The following UGT1A10 variants were observed in gnomAD, a reference collection of about 807,000 sequenced individuals.
UGT1A10 encodes UDP glucuronosyltransferase family 1 member A10.
UGT1A10 carries 49 observed loss-of-function variants against 45.8 expected under a neutral mutation model. The observed-to-expected ratio is 1.07, with a 90% CI of 0.85 to 1.36. The LOEUF (loss-of-function observed/expected upper bound fraction) is 1.36. UGT1A10 is among the 40% of genes most tolerant of loss of function. UGT1A10 has a pLI of 0.00. For synonymous variants in UGT1A10, 284 were observed against 249.7 expected, an observed-to-expected ratio of 1.14 and a Z score of -1.29; for missense variants, 745 against 668.6, an observed-to-expected ratio of 1.11 and a Z score of -1.26.
At chr2:233,671,779 C>T in intron 1 of UGT1A10, 3 of 1,399,160 alleles carry the variant, frequency 2.1e-6, no homozygotes, top group Non-Finnish European at 2.8e-6. Context: ...TATTCTTGTT[C>T]TTTTGGGTAA....
intron 1 of UGT1A10, among the ~76,000 whole-genome samples, chr2:233,656,773 C>T (rs1237157003): frequency 6.6e-6 from 1 of 152,104 alleles, no homozygotes; most frequent in African/African-American, 2.4e-5. Flanking sequence ...TCTTTGGGGT[C>T]CCGCTGGCCA....
intron 1 of UGT1A10, among the ~76,000 whole-genome samples, chr2:233,736,157 T>C (rs1193555745): frequency 6.6e-6 from 1 of 152,262 alleles, no homozygotes; most frequent in African/African-American, 2.4e-5. Flanking sequence ...CAGTCAAACG[T>C]AGATTTGGTC....
At chr2:233,669,080 C>G (rs571545981) in intron 1 of UGT1A10, among the ~76,000 whole-genome samples, 1 of 152,268 alleles carries the variant, frequency 6.6e-6, no homozygotes, top group East Asian at 1.9e-4. Context: ...GAATGGATAC[C>G]CAACTGTTGA....
intron 1 of UGT1A10, among the ~76,000 whole-genome samples, chr2:233,641,186 A>G (rs1466040043): frequency 6.6e-6 from 1 of 152,042 alleles, no homozygotes; most frequent in Non-Finnish European, 1.5e-5. Flanking sequence ...ATATTTTCCT[A>G]CTTTCTCTAA....
At chr2:233,653,395 T>A (rs919547920) in intron 1 of UGT1A10, among the ~76,000 whole-genome samples, 24 of 152,192 alleles carry the variant, frequency 1.6e-4, no homozygotes, top group Non-Finnish European at 2.9e-4. Context: ...ATGAATCATA[T>A]TCTTAAAGTA....
chr2:233,700,444 A>C (rs1343757710), intron 1 of UGT1A10, among the ~76,000 whole-genome samples: 1 of 152,214 alleles, frequency 6.6e-6, no homozygotes, highest in Non-Finnish European at 1.5e-5. Flanking sequence ...GAGTAGCTGA[A>C]TGCTAGAATG....
At chr2:233,638,199 G>C (rs1175053491) in intron 1 of UGT1A10, among the ~76,000 whole-genome samples, 1 of 151,964 alleles carries the variant, frequency 6.6e-6, no homozygotes, top group African/African-American at 2.4e-5. Flanking sequence ...TTCAGATCTT[G>C]TTTTATATAC....
At chr2:233,764,281 G>A (rs537961109) in intron 1 of UGT1A10, among the ~76,000 whole-genome samples, 5 of 152,204 alleles carry the variant, frequency 3.3e-5, no homozygotes, top group South Asian at 2.1e-4. Context: ...TGGTCATTCC[G>A]GTAACTGTGA....
chr2:233,728,813 A>G (rs1159466657), intron 1 of UGT1A10, among the ~76,000 whole-genome samples: 11 of 152,216 alleles, frequency 7.2e-5, no homozygotes. Flanking sequence ...AGACAGTGAC[A>G]TGAAATGGGT....
intron 1 of UGT1A10, chr2:233,760,709 C>A (rs774109568): frequency 6.2e-7 from 1 of 1,614,204 alleles, no homozygotes; most frequent in African/African-American, 1.3e-5. Flanking sequence ...GCCTCCCTGG[C>A]AGAAAGCAGC....
chr2:233,749,622 C>A (rs1694233341), intron 1 of UGT1A10, among the ~76,000 whole-genome samples: 1 of 151,854 alleles, frequency 6.6e-6, no homozygotes, highest in Admixed American at 6.5e-5. Context: ...TGATTTGGCT[C>A]TGTATCCCCC....
rs753289474 is a variant in UGT1A10, at chr2:233,769,632, G to A, written c.1295+1193G>A. The A allele has an allele frequency of 1.9e-6, 3 of 1,611,424 alleles. No individual in the cohort carries two copies. The highest frequency in any genetic ancestry group is 2.5e-6 in the Non-Finnish European group (3 of 1,179,338). On this transcript the variant is annotated intron_variant, in intron 4 of 4. Coordinates refer to ENST00000344644, the MANE Select transcript of UGT1A10 (RefSeq NM_019075.4). The surrounding 1 kb of genome is among the most constrained non-coding windows in gnomAD (Gnocchi z 4.4). ...CACCAGCTTGAGCAAGGGACAACAGGGGAGGACTGATGACTGACTTCCCAC... is the reference window on the plus strand; with the variant it reads ...CACCAGCTTGAGCAAGGGACAACAGAGGAGGACTGATGACTGACTTCCCAC...
chr2:233,710,730 G>A (rs192565787), intron 1 of UGT1A10, among the ~76,000 whole-genome samples: 135 of 152,220 alleles, frequency 8.9e-4, no homozygotes, highest in East Asian at 8.5e-3. Context: ...AAAAAACAAC[G>A]TCTTTCAAGG....
intron 1 of UGT1A10, chr2:233,729,346 T>G (rs1339922469): frequency 1.2e-6 from 2 of 1,614,150 alleles, no homozygotes; most frequent in South Asian, 1.1e-5. Flanking sequence ...AGAAGAGAAC[T>G]TTTTCACCCT....
chr2:233,725,687 A>G (rs1043779631), intron 1 of UGT1A10, among the ~76,000 whole-genome samples: 2 of 152,216 alleles, frequency 1.3e-5, no homozygotes, highest in African/African-American at 2.4e-5. Context: ...CAAGTGCTCA[A>G]TAGTCATATG....
At chr2:233,677,073 G>A (rs879777039) in intron 1 of UGT1A10, among the ~76,000 whole-genome samples, 5 of 151,762 alleles carry the variant, frequency 3.3e-5, no homozygotes, top group Non-Finnish European at 7.4e-5. Flanking sequence ...GTTCATTAAT[G>A]TGTGCAAAAA....
At chr2:233,671,376 A>G (rs1175892495) in intron 1 of UGT1A10, among the ~76,000 whole-genome samples, 1 of 152,212 alleles carries the variant, frequency 6.6e-6, no homozygotes, top group African/African-American at 2.4e-5. Flanking sequence ...GAGGCTTCTC[A>G]GGGTTTGGAA....
chr2:233,725,805 C>A (rs2077476454), intron 1 of UGT1A10, among the ~76,000 whole-genome samples: 1 of 152,220 alleles, frequency 6.6e-6, no homozygotes, highest in Non-Finnish European at 1.5e-5. Context: ...TCCTTAAAAT[C>A]CATTTTATTG....
chr2:233,737,151 C>G (rs2078845599), intron 1 of UGT1A10, among the ~76,000 whole-genome samples: 1 of 152,244 alleles, frequency 6.6e-6, no homozygotes, highest in African/African-American at 2.4e-5. Flanking sequence ...CAGATATGCC[C>G]TGCCCACAGA....
Sources: allele counts gnomAD v4.1 joint callset (sites outside exome capture counted in the v4.1 genomes callset), GRCh38; gene constraint gnomAD v4.1.1; non-coding constraint Gnocchi (gnomAD v3.1); transcripts MANE v1.5; gene names NCBI Gene and HGNC (gene_info 2026-07-23, HGNC 2026-07-21).